Variants in PREP observed in about 807,000 individuals in gnomAD.
PREP encodes the protein prolyl endopeptidase.
PREP carries 29 observed loss-of-function variants against 87.6 expected under a neutral mutation model. The ratio of observed to expected loss-of-function variants is 0.33; its 90% CI spans 0.25 to 0.45. The LOEUF is 0.45. Among genes scored for constraint, PREP ranks in the 20% least tolerant of loss-of-function variants. PREP has a pLI of 1.00. For missense variants in PREP, 695 were observed against 886.5 expected (o/e 0.78, Z 2.74); for synonymous variants, 337 against 328.6 (o/e 1.03, Z -0.28).
chr6:105,292,685 T>C (rs1583038652), intron 10 of PREP, among the ~76,000 whole-genome samples: 1 of 152,228 alleles, frequency 6.6e-6, no homozygotes, highest in African/African-American at 2.4e-5. Flanking sequence ...TCTCTAGCTA[T>C]GAAAGTCTGA....
rs182799273 is a variant in PREP, at chr6:105,348,934, T to C, written c.823+4038A>G. ...GGTAGCCCCTGACAGGGACCTCTCT[T>C]CTCCCAAAGCAAGAAGGTAGTAACT... On this transcript the variant is annotated intron_variant, in intron 7 of 14. Transcript: ENST00000652536. 2.6e-5 allele frequency among the ~76,000 whole-genome samples: 4 copies of C among 151,910 alleles called. No individual in the cohort carries two copies. In the East Asian group the frequency reaches 7.7e-4, roughly 29 times the overall value.
intron 10 of PREP, among the ~76,000 whole-genome samples, chr6:105,320,546 G>A (rs1770977076): frequency 6.6e-6 from 1 of 152,170 alleles, no homozygotes. Context: ...CTCCTTGGCT[G>A]GTCTATTTTA....
intron 5 of PREP, among the ~76,000 whole-genome samples, chr6:105,371,574 T>C (rs1772549432): frequency 6.6e-6 from 1 of 151,680 alleles, no homozygotes; most frequent in Non-Finnish European, 1.5e-5. Flanking sequence ...AACTCATATT[T>C]GCTGATTTTG....
chr6:105,336,554 A>C (rs1771484055), intron 7 of PREP, among the ~76,000 whole-genome samples: 2 of 152,242 alleles, frequency 1.3e-5, no homozygotes, highest in South Asian at 4.1e-4. Flanking sequence ...TCACATCTAA[A>C]TAAAACTGAA....
intron 6 of PREP, among the ~76,000 whole-genome samples, chr6:105,363,438 G>A (rs1169393885): frequency 6.6e-6 from 1 of 151,994 alleles, no homozygotes; most frequent in Non-Finnish European, 1.5e-5. Flanking sequence ...TTTCTCTCCT[G>A]CCATGAAACT....
Position 105,384,623 on chromosome 6 carries a change from A to T in PREP, c.121-7104T>A, listed in dbSNP as rs185745084. 4.6e-5 allele frequency among the ~76,000 whole-genome samples: 7 copies of T among 152,304 alleles called. No individual in the cohort carries two copies. In the East Asian group the frequency reaches 1.4e-3, roughly 29 times the overall value. On this transcript the variant is annotated intron_variant, in intron 2 of 14. Coordinates refer to ENST00000652536, the MANE Select transcript of PREP (RefSeq NM_002726.5). ...TTTCATAAGCAAAGTCTTTCCATCAATTCTAACCCACAGGCAATAGTCAAC... is the reference window on the plus strand; with the variant it reads ...TTTCATAAGCAAAGTCTTTCCATCATTTCTAACCCACAGGCAATAGTCAAC...
At chr6:105,401,950 T>C (rs1469053117) in intron 1 of PREP, among the ~76,000 whole-genome samples, 1 of 152,190 alleles carries the variant, frequency 6.6e-6, no homozygotes, top group Non-Finnish European at 1.5e-5. Flanking sequence ...ATGTAGCTAT[T>C]AGTAAGAGAA....
chr6:105,337,477 G>A (rs976056896), intron 7 of PREP, among the ~76,000 whole-genome samples: 7 of 152,056 alleles, frequency 4.6e-5, no homozygotes. Flanking sequence ...CCCTCCTAGT[G>A]CCTAGGTAAA....
chr6:105,366,718 G>A (rs1174593695), intron 6 of PREP, among the ~76,000 whole-genome samples: 2 of 141,236 alleles, frequency 1.4e-5, no homozygotes. Context: ...TAAATAAACT[G>A]TGGCACACAC....
At chr6:105,383,853 C>T (rs961853429) in intron 2 of PREP, among the ~76,000 whole-genome samples, 2 of 152,078 alleles carry the variant, frequency 1.3e-5, no homozygotes, top group African/African-American at 2.4e-5. Context: ...ACTTTCCTGA[C>T]CAAAAACCTG....
chr6:105,324,662 T>G (rs567040988), intron 9 of PREP, among the ~76,000 whole-genome samples: 2 of 152,336 alleles, frequency 1.3e-5, no homozygotes, highest in Admixed American at 1.3e-4. Flanking sequence ...CAGTACTTGC[T>G]GGAAAACCAA....
intron 10 of PREP, among the ~76,000 whole-genome samples, chr6:105,309,873 C>A (rs1409489291): frequency 6.6e-6 from 1 of 152,182 alleles, no homozygotes; most frequent in South Asian, 2.1e-4. Flanking sequence ...TATCAATGCA[C>A]CAAGGCAATC....
intron 12 of PREP, among the ~76,000 whole-genome samples, chr6:105,283,175 G>T (rs941313704): frequency 6.6e-6 from 1 of 152,242 alleles, no homozygotes; most frequent in Admixed American, 6.5e-5. Flanking sequence ...AAGGAATTGG[G>T]TGGTGAGGTA....
rs1483574967 is a variant in PREP, at chr6:105,275,479, C to A, written c.*2665G>T. Among the ~76,000 whole-genome samples the A allele has an allele frequency of 6.6e-6, 1 of 152,178 alleles. No homozygotes were observed. The highest frequency in any genetic ancestry group is 1.9e-4 in the East Asian group (1 of 5,198). ...TGCTTAGCAGGGCCTTGTGACAAAG[C>A]AGTGAGGCCACCTGTGCAACATGTA... On this transcript the variant is annotated 3_prime_UTR_variant, in exon 15 of 15. Transcript: ENST00000652536.
chr6:105,378,790 A>C (rs1048639855), intron 2 of PREP, among the ~76,000 whole-genome samples: 1 of 152,234 alleles, frequency 6.6e-6, no homozygotes, highest in Non-Finnish European at 1.5e-5. Flanking sequence ...GAAAAACTTC[A>C]GGAAATTAAG....
chr6:105,328,984 T>C lies in PREP; in HGVS notation c.1058A>G (p.Tyr353Cys). 6.2e-7 allele frequency: 1 copy of C among 1,614,028 alleles called. No homozygotes were observed. The highest frequency in any genetic ancestry group is 1.3e-5 in the African/African-American group (1 of 74,992). Reference protein sequence around the residue: ...CVRSNFLVLCYLHDVKNILQL... With the variant: ...CVRSNFLVLCCLHDVKNILQL... ...CAGAATGTTCTTGACGTCATGGAGG[T>C]AGCATAAGACCAAGAAGTTGGACCT... The change falls in exon 9 of 15, where the codon TAC becomes TGC. Residue 353 changes from tyrosine to cysteine, a missense_variant. Tyr to Cys is a radical substitution (Grantham distance 194). Around this residue, in one of 5 missense-constraint regions of PREP, gnomAD observed 517 missense variants for 620.3 expected, o/e 0.83. Transcript: ENST00000652536.
At chr6:105,338,731 G>T (rs1771543573) in intron 7 of PREP, among the ~76,000 whole-genome samples, 1 of 152,218 alleles carries the variant, frequency 6.6e-6, no homozygotes, top group South Asian at 2.1e-4. Flanking sequence ...TGGCACACCA[G>T]GAGATTATAT....
intron 9 of PREP, among the ~76,000 whole-genome samples, chr6:105,324,792 C>T (rs546604540): frequency 2.6e-4 from 40 of 152,292 alleles, no homozygotes; most frequent in African/African-American, 7.2e-4. Flanking sequence ...GGAAACAATA[C>T]GCTGCCCCCG....
chr6:105,321,889 T>C (rs1771020659), intron 10 of PREP, among the ~76,000 whole-genome samples: 1 of 152,088 alleles, frequency 6.6e-6, no homozygotes, highest in East Asian at 1.9e-4. Context: ...TACCCCGTCC[T>C]ACCTAGGGCA....
Sources: allele counts gnomAD v4.1 joint callset (sites outside exome capture counted in the v4.1 genomes callset), GRCh38; gene constraint gnomAD v4.1.1; regional missense constraint gnomAD v4.1.1; transcripts MANE v1.5; gene names NCBI Gene and HGNC (gene_info 2026-07-23, HGNC 2026-07-21).